The following EYA4 variants were observed in gnomAD, a reference collection of about 807,000 sequenced individuals.
The protein encoded by EYA4 is protein phosphatase EYA4.
A neutral mutation model predicts 87.9 loss-of-function variants in EYA4; 31 were observed. The observed-to-expected ratio is 0.35, with a 90% CI of 0.27 to 0.48. EYA4 has a LOEUF of 0.48. Among genes scored for constraint, EYA4 ranks in the 20% least tolerant of loss-of-function variants. The pLI is 0.99. For synonymous variants in EYA4, 263 were observed against 270.6 expected, an observed-to-expected ratio of 0.97 and a Z score of 0.28; for missense variants, 678 against 761.4, an observed-to-expected ratio of 0.89 and a Z score of 1.29.
chr6:133,383,842 TCCTACA>T (rs1786468980), intron 3 of EYA4, among the ~76,000 whole-genome samples: 1 of 152,190 alleles, frequency 6.6e-6, no homozygotes, highest in African/African-American at 2.4e-5. Context: ...CTAAATGTTT[TCCTACA>T]AAGCAGAGTA....
At chr6:133,341,259 G>A (rs145290672) in intron 2 of EYA4, among the ~76,000 whole-genome samples, 52 of 152,190 alleles carry the variant, frequency 3.4e-4, no homozygotes, top group African/African-American at 1.3e-3. Context: ...ATCAAAATGT[G>A]GCATGAGAAT....
At chr6:133,298,091 T>C (rs1036833840) in intron 2 of EYA4, among the ~76,000 whole-genome samples, 3 of 152,216 alleles carry the variant, frequency 2.0e-5, no homozygotes, top group Non-Finnish European at 4.4e-5. Context: ...TGTCTTGTGT[T>C]CTCATGGATC....
At chr6:133,448,529 G>A (rs956866030) in intron 5 of EYA4, among the ~76,000 whole-genome samples, 7 of 151,944 alleles carry the variant, frequency 4.6e-5, no homozygotes, top group African/African-American at 1.5e-4. Flanking sequence ...GAATGGCCAC[G>A]CATGCAAACT....
chr6:133,318,960 C>G (rs1210641977), intron 2 of EYA4, among the ~76,000 whole-genome samples: 3 of 152,162 alleles, frequency 2.0e-5, no homozygotes, highest in Admixed American at 6.5e-5. Flanking sequence ...GGAGTTGTGT[C>G]CAAGCAGTGA....
chr6:133,452,413 A>G (rs1330520343), intron 5 of EYA4, among the ~76,000 whole-genome samples: 1 of 152,136 alleles, frequency 6.6e-6, no homozygotes, highest in Admixed American at 6.5e-5. Flanking sequence ...ATTGCAACAT[A>G]TGAATATGAA....
chr6:133,322,989 T>C (rs1781209123), intron 2 of EYA4, among the ~76,000 whole-genome samples: 1 of 152,080 alleles, frequency 6.6e-6, no homozygotes, highest in Non-Finnish European at 1.5e-5. Flanking sequence ...ATTTTAGTGA[T>C]TGTTTCTAAA....
intron 3 of EYA4, among the ~76,000 whole-genome samples, chr6:133,383,545 A>AAAAAT (rs1312860441): frequency 1.3e-5 from 2 of 149,506 alleles, no homozygotes; most frequent in African/African-American, 4.9e-5. Context: ...AAAAAAAAAA[A>AAAAAT]TGTAATGGCC....
At chr6:133,403,786 C>G (rs891855473) in intron 3 of EYA4, among the ~76,000 whole-genome samples, 6 of 151,998 alleles carry the variant, frequency 3.9e-5, no homozygotes, top group Non-Finnish European at 7.4e-5. Context: ...TTATCTTTTC[C>G]TGTCATGTTT....
Position 133,325,811 on chromosome 6 carries a change from C to T in EYA4, c.33+50998C>T, listed in dbSNP as rs148296253. 4.4e-3 allele frequency among the ~76,000 whole-genome samples: 676 copies of T among 152,302 alleles called. 18 individuals are homozygous for T. The highest frequency in any genetic ancestry group is 0.039 in the Admixed American group (603 of 15,302). ...GTTGCAATGAAAAAGCAGCCATCCA[C>T]GAGATGCAAATGAAAGGTGTAGCTG... On this transcript the variant is annotated intron_variant, in intron 2 of 19. Coordinates refer to ENST00000355286, the MANE Select transcript of EYA4 (RefSeq NM_004100.5).
intron 18 of EYA4, among the ~76,000 whole-genome samples, chr6:133,524,195 C>T (rs111587466): frequency 6.6e-6 from 1 of 152,082 alleles, no homozygotes; most frequent in Non-Finnish European, 1.5e-5. Context: ...GGTAATTTTG[C>T]TTTTTTGATG....
intron 17 of EYA4, among the ~76,000 whole-genome samples, chr6:133,517,469 C>G (rs1387150046): frequency 6.6e-6 from 1 of 151,206 alleles, no homozygotes; most frequent in Non-Finnish European, 1.5e-5. Flanking sequence ...GTATGGGGAA[C>G]ACAGCATTCA....
intron 18 of EYA4, chr6:133,524,934 G>C: frequency 1.7e-6 from 2 of 1,155,164 alleles, no homozygotes; most frequent in Non-Finnish European, 2.6e-6. Flanking sequence ...TGATGTTCAA[G>C]AGGCATTAAC....
At chr6:133,342,605 A>ATATATATATATATATATT (rs1485897156) in intron 2 of EYA4, among the ~76,000 whole-genome samples, 1 of 130,440 alleles carries the variant, frequency 7.7e-6, no homozygotes, top group African/African-American at 3.3e-5. Context: ...ATATATATAT[A>ATATATATATATATATATT]ATTCTTTATA....
chr6:133,323,875 C>G (rs1460923690), intron 2 of EYA4, among the ~76,000 whole-genome samples: 1 of 151,952 alleles, frequency 6.6e-6, no homozygotes, highest in Non-Finnish European at 1.5e-5. Flanking sequence ...AGTACAAACA[C>G]AAGGTTCTTA....
intron 16 of EYA4, among the ~76,000 whole-genome samples, chr6:133,513,510 A>G (rs1416633220): frequency 1.3e-5 from 2 of 152,202 alleles, no homozygotes; most frequent in South Asian, 2.1e-4. Flanking sequence ...GGTTTATTTT[A>G]TCTTTTAAAA....
Position 133,316,437 on chromosome 6 carries a change from A to G in EYA4, c.33+41624A>G, listed in dbSNP as rs375770502. On this transcript the variant is annotated intron_variant, in intron 2 of 19. Transcript: ENST00000355286. ...CTATTAGCTAAAATAAATAAATCCT[A>G]GAGCAGATTTTTCTGGGTAGTGAAG... 8.1e-4 allele frequency among the ~76,000 whole-genome samples: 124 copies of G among 152,324 alleles called. 1 individual carries two copies. Among genetic ancestry groups the G allele is most frequent in the Middle Eastern group, 3.4e-3 (1 of 294 alleles).
At chr6:133,329,270 G>C (rs1442736339) in intron 2 of EYA4, among the ~76,000 whole-genome samples, 2 of 151,914 alleles carry the variant, frequency 1.3e-5, no homozygotes, top group African/African-American at 2.4e-5. Flanking sequence ...CACGTTAATA[G>C]TCTTATTATG....
chr6:133,310,158 T>C (rs1365147621), intron 2 of EYA4, among the ~76,000 whole-genome samples: 1 of 152,208 alleles, frequency 6.6e-6, no homozygotes, highest in Non-Finnish European at 1.5e-5. Context: ...TTTTGATAAT[T>C]CCTGCCATAT....
intron 2 of EYA4, among the ~76,000 whole-genome samples, chr6:133,309,210 A>G (rs911705039): frequency 1.1e-4 from 16 of 152,064 alleles, no homozygotes; most frequent in Middle Eastern, 6.8e-3. Flanking sequence ...TATTATTAAA[A>G]CAATATAATA....
Sources: gnomAD v4.1 joint callset for allele counts (sites outside exome capture counted in the v4.1 genomes callset) on GRCh38, gnomAD v4.1.1 for gene constraint, MANE v1.5 for transcripts, NCBI Gene and HGNC (gene_info 2026-07-23, HGNC 2026-07-21) for gene names.